Variants in SV2C observed in about 807,000 individuals in gnomAD.
The protein encoded by SV2C is solute carrier family 22 member B3.
SV2C carries 49 observed loss-of-function variants against 79.7 expected under a neutral mutation model. That is an observed-to-expected ratio of 0.61 (90% CI 0.49 to 0.78). The LOEUF is 0.78. SV2C is among the 30% of genes least tolerant of loss of function. SV2C has a pLI of 0.00. For missense variants in SV2C, 833 were observed against 912.9 expected (o/e 0.91, Z 1.13); for synonymous variants, 334 against 333.2 (o/e 1.00, Z -0.03).
chr5:76,199,143 CT>C (rs35405220), intron 3 of SV2C, among the ~76,000 whole-genome samples: 19,346 of 152,050 alleles, frequency 0.13, 1,682 homozygotes, highest in Non-Finnish European at 0.19. Context: ...TTTATATATT[CT>C]TTTTTTTATT....
chr5:76,078,795 T>TC, upstream of SV2C: 1 of 587,290 alleles, frequency 1.7e-6, no homozygotes, highest in Non-Finnish European at 3.4e-6. Context: ...CCTGGCAGGT[T>TC]AATGGCTAGT....
chr5:76,087,634 G>A (rs762182433), intron 1 of SV2C, among the ~76,000 whole-genome samples: 4 of 152,196 alleles, frequency 2.6e-5, no homozygotes, highest in Non-Finnish European at 5.9e-5. Flanking sequence ...TCCAGAATGT[G>A]CTGTTTATCA....
the SV2C span, among the ~76,000 whole-genome samples, chr5:75,958,563 C>T: frequency 1.3e-5 from 2 of 151,976 alleles, no homozygotes; most frequent in South Asian, 2.1e-4. Context: ...TTGCATCCTT[C>T]GCCCTGACTT....
At chr5:76,068,581 G>A in the SV2C span, among the ~76,000 whole-genome samples, 1 of 152,058 alleles carries the variant, frequency 6.6e-6, no homozygotes, top group South Asian at 2.1e-4. Flanking sequence ...TGACTGGAAA[G>A]TTTTCAATGT....
the SV2C span, among the ~76,000 whole-genome samples, chr5:75,982,011 A>G: frequency 2.7e-5 from 4 of 145,734 alleles, no homozygotes; most frequent in Non-Finnish European, 6.0e-5. Flanking sequence ...ATTCTCACTC[A>G]TAGATGGGAA....
At chr5:76,317,210 A>G (rs1748655056) in intron 12 of SV2C, among the ~76,000 whole-genome samples, 2 of 152,148 alleles carry the variant, frequency 1.3e-5, no homozygotes, top group Non-Finnish European at 2.9e-5. Flanking sequence ...ATCATTTTTA[A>G]TATTTTTTCT....
the SV2C span, among the ~76,000 whole-genome samples, chr5:75,919,771 G>C: frequency 8.5e-5 from 13 of 152,312 alleles, no homozygotes; most frequent in East Asian, 1.7e-3. Context: ...TCCACAGGCT[G>C]TTGTAGTGAT....
the SV2C span, among the ~76,000 whole-genome samples, chr5:75,933,507 T>C: frequency 6.6e-6 from 1 of 152,206 alleles, no homozygotes; most frequent in African/African-American, 2.4e-5. Context: ...CCTGAGTTTC[T>C]TTAGTCTCCT....
the SV2C span, among the ~76,000 whole-genome samples, chr5:75,908,021 G>C: frequency 6.6e-6 from 1 of 152,178 alleles, no homozygotes; most frequent in Non-Finnish European, 1.5e-5. Context: ...GCCAGTGTTA[G>C]TTAGGAACAG....
At chr5:75,877,739 T>C in the SV2C span, among the ~76,000 whole-genome samples, 18 of 152,000 alleles carry the variant, frequency 1.2e-4, no homozygotes, top group Non-Finnish European at 2.4e-4. Context: ...AATGATATGG[T>C]TTGAATATTT....
chr5:75,919,921 G>C, the SV2C span, among the ~76,000 whole-genome samples: 1 of 152,190 alleles, frequency 6.6e-6, no homozygotes, highest in African/African-American at 2.4e-5. Flanking sequence ...ATAAGTTTTG[G>C]TTAACTGCTG....
chr5:76,318,873 C>T (rs1412924327), intron 12 of SV2C, among the ~76,000 whole-genome samples: 1 of 152,128 alleles, frequency 6.6e-6, no homozygotes, highest in Admixed American at 6.5e-5. Flanking sequence ...AATGCATTAA[C>T]TCATTCTACA....
intron 12 of SV2C, among the ~76,000 whole-genome samples, chr5:76,308,040 T>G (rs187680761): frequency 6.6e-6 from 1 of 152,358 alleles, no homozygotes. Flanking sequence ...ATTGATTGTC[T>G]TTTTTCATTC....
At chr5:75,943,730 G>A in the SV2C span, among the ~76,000 whole-genome samples, 1 of 152,140 alleles carries the variant, frequency 6.6e-6, no homozygotes, top group Non-Finnish European at 1.5e-5. Flanking sequence ...GGTCTAGACA[G>A]TCTTTTCCCT....
the SV2C span, among the ~76,000 whole-genome samples, chr5:75,991,703 G>T: frequency 0.46 from 68,172 of 148,792 alleles, 16,312 homozygotes; most frequent in East Asian, 0.67. Flanking sequence ...CCATCAGATA[G>T]ATATATATAT....
At chr5:76,156,795 G>T (rs1485422333) in intron 2 of SV2C, among the ~76,000 whole-genome samples, 1 of 151,824 alleles carries the variant, frequency 6.6e-6, no homozygotes, top group Non-Finnish European at 1.5e-5. Flanking sequence ...AACCAAAGAG[G>T]TTCAAGAGTA....
At chr5:76,118,572 A>T (rs1201799771) in intron 1 of SV2C, among the ~76,000 whole-genome samples, 2 of 152,142 alleles carry the variant, frequency 1.3e-5, no homozygotes, top group South Asian at 2.1e-4. Context: ...AACTAATCTC[A>T]ACTGATATTT....
the SV2C span, among the ~76,000 whole-genome samples, chr5:75,851,748 C>G: frequency 6.6e-6 from 1 of 152,208 alleles, no homozygotes; most frequent in South Asian, 2.1e-4. Context: ...TCACGCCATT[C>G]TGCTGCCTCC....
Position 76,234,283 on chromosome 5 carries a change from A to G in SV2C, c.913+24396A>G, listed in dbSNP as rs554084856. On this transcript the variant is annotated intron_variant, in intron 4 of 12. Transcript: ENST00000502798. ...CAACAAATTAAGTGTATCAGTTCAC[A>G]CTGAGCAATAGGGTCACTATTATAT... is the stretch of plus-strand genomic sequence containing the variant. Among the ~76,000 whole-genome samples, 25 of 152,358 alleles carry G rather than the reference A, an allele frequency of 1.6e-4. No homozygotes were observed. The South Asian group carries it at 5.0e-3, about 30-fold the overall frequency.
Sources: gnomAD v4.1 joint callset for allele counts (sites outside exome capture counted in the v4.1 genomes callset) on GRCh38, gnomAD v4.1.1 for gene constraint, MANE v1.5 for transcripts, NCBI Gene and HGNC (gene_info 2026-07-23, HGNC 2026-07-21) for gene names.